The following ADGRL4 variants were observed in gnomAD, a reference collection of about 807,000 sequenced individuals.
ADGRL4 encodes the protein adhesion G protein-coupled receptor L4.
A neutral mutation model predicts 74.8 loss-of-function variants in ADGRL4; 90 were observed. The ratio of observed to expected loss-of-function variants is 1.20; its 90% CI spans 1.02 to 1.43. ADGRL4 has a LOEUF of 1.43. Ranked by LOEUF, ADGRL4 falls within the 40% of genes most tolerant of loss-of-function variation. The pLI, the probability that ADGRL4 is intolerant of heterozygous loss-of-function variation, is 0.00. For synonymous variants in ADGRL4, 311 were observed against 279.2 expected (o/e 1.11, Z -1.14); for missense variants, 881 against 814.3 (o/e 1.08, Z -1.00).
At chr1:78,965,673 G>C (rs914123541) in intron 2 of ADGRL4, among the ~76,000 whole-genome samples, 4 of 152,200 alleles carry the variant, frequency 2.6e-5, no homozygotes, top group African/African-American at 9.6e-5. Context: ...GAATTCAATT[G>C]CTAACATTGA....
intron 2 of ADGRL4, among the ~76,000 whole-genome samples, chr1:78,951,677 G>T (rs1649725865): frequency 6.6e-6 from 1 of 152,186 alleles, no homozygotes; most frequent in Admixed American, 6.5e-5. Flanking sequence ...AAAATGCAAT[G>T]ATTGATATTG....
At chr1:78,973,103 CT>C (rs1446164578) in intron 2 of ADGRL4, among the ~76,000 whole-genome samples, 1 of 152,046 alleles carries the variant, frequency 6.6e-6, no homozygotes, top group Non-Finnish European at 1.5e-5. Flanking sequence ...CAGTTTTAGT[CT>C]TTTTTCCTTA....
intron 12 of ADGRL4, among the ~76,000 whole-genome samples, chr1:78,901,813 A>G (rs1245256830): frequency 6.6e-6 from 1 of 152,202 alleles, no homozygotes; most frequent in East Asian, 1.9e-4. Context: ...GAGCCTCATC[A>G]TGTTCAGCAC....
rs78237403 is a variant in ADGRL4 at position 78,918,063 on chromosome 1, G to C, written c.1462-13C>G. On this transcript the variant is annotated splice_polypyrimidine_tract_variant and intron_variant, in intron 10 of 14. Coordinates refer to ENST00000370742, the MANE Select transcript of ADGRL4 (RefSeq NM_022159.4). ...TTGAACAGAAGAGCTAGAAATCAAA[G>C]AAAAAAAAAAAAACATTGTCAGTGT... is the stretch of plus-strand genomic sequence containing the variant. 12 of 1,176,028 alleles carry C rather than the reference G, an allele frequency of 1.0e-5. No individual in the cohort carries two copies. Among genetic ancestry groups the C allele is most frequent in the Non-Finnish European group, 1.2e-5 (10 of 858,024 alleles). The allele number at this position is 1,176,028 out of a possible 1,614,324, so 72.8% of individuals were successfully genotyped here.
At chr1:78,998,530 C>T (rs1650769336) in intron 2 of ADGRL4, among the ~76,000 whole-genome samples, 1 of 151,990 alleles carries the variant, frequency 6.6e-6, no homozygotes, top group Non-Finnish European at 1.5e-5. Context: ...CCACCATGTC[C>T]AGCTAATTTT....
chr1:78,896,210 T>C (rs1648395282), intron 12 of ADGRL4, among the ~76,000 whole-genome samples: 1 of 152,148 alleles, frequency 6.6e-6, no homozygotes, highest in Admixed American at 6.6e-5. Context: ...GATTTTCCTA[T>C]GCTGTTTTTC....
At chr1:78,904,719 C>T (rs1257945037) in intron 12 of ADGRL4, among the ~76,000 whole-genome samples, 1 of 151,994 alleles carries the variant, frequency 6.6e-6, no homozygotes, top group Non-Finnish European at 1.5e-5. Flanking sequence ...TTCCAGTTTT[C>T]ATACTTACAA....
intron 2 of ADGRL4, among the ~76,000 whole-genome samples, chr1:78,973,272 A>G (rs1650208018): frequency 6.6e-6 from 1 of 152,072 alleles, no homozygotes; most frequent in African/African-American, 2.4e-5. Flanking sequence ...GATTCCCTTC[A>G]TATATATGTA....
Position 78,917,670 on chromosome 1 carries a change from A to C in ADGRL4, c.1713T>G (p.Ile571Met), listed in dbSNP as rs74352810. 1 of 1,607,166 alleles carries C rather than the reference A, an allele frequency of 6.2e-7. No individual in the cohort carries two copies. Among genetic ancestry groups the C allele is most frequent in the Non-Finnish European group, 8.5e-7 (1 of 1,176,592 alleles). ...GGCATGCTGGTCCTATAAAACTCCA[A>C]ATAAAGTTGTTTTCGGTGCTAAGCC... ...VCWLSTENNF[I>M]WSFIGPACLI... Residue 571 changes from isoleucine (I) to methionine (M), a missense_variant, in exon 12 of 15, where the codon ATT (isoleucine) becomes ATG (methionine). Coordinates refer to ENST00000370742, the MANE Select transcript of ADGRL4 (RefSeq NM_022159.4).
At chr1:78,953,902 ACGTTGGGAGGC>A (rs1362133617) in intron 2 of ADGRL4, among the ~76,000 whole-genome samples, 1 of 152,218 alleles carries the variant, frequency 6.6e-6, no homozygotes, top group African/African-American at 2.4e-5. Context: ...TAATCCCTGC[ACGTTGGGAGGC>A]CAAGAAAGGC....
chr1:78,959,274 A>G (rs1203150589), intron 2 of ADGRL4, among the ~76,000 whole-genome samples: 1 of 152,202 alleles, frequency 6.6e-6, no homozygotes, highest in Non-Finnish European at 1.5e-5. Context: ...ATAAATATTT[A>G]TCTTTACTAA....
At chr1:79,003,066 C>T (rs972442225) in intron 2 of ADGRL4, among the ~76,000 whole-genome samples, 2 of 151,958 alleles carry the variant, frequency 1.3e-5, no homozygotes, top group African/African-American at 2.4e-5. Flanking sequence ...AAATAGGCAT[C>T]CTCTGTAGCT....
intron 12 of ADGRL4, among the ~76,000 whole-genome samples, chr1:78,894,107 GACA>G (rs1159106210): frequency 2.0e-5 from 3 of 151,852 alleles, no homozygotes; most frequent in Non-Finnish European, 2.9e-5. Flanking sequence ...ACTTTGAAAT[GACA>G]ACAACAAAGT....
chr1:78,926,584 A>C (rs1238499937), intron 8 of ADGRL4, among the ~76,000 whole-genome samples: 1 of 151,956 alleles, frequency 6.6e-6, no homozygotes, highest in African/African-American at 2.4e-5. Flanking sequence ...CTTTTTAATA[A>C]CTCATTCTTC....
At chr1:78,991,648 T>A (rs1178281871) in intron 2 of ADGRL4, among the ~76,000 whole-genome samples, 1 of 151,972 alleles carries the variant, frequency 6.6e-6, no homozygotes, top group East Asian at 1.9e-4. Flanking sequence ...AAATATAATA[T>A]AGTATATTTA....
rs200376823 is a variant in ADGRL4, at chr1:78,921,725, C to T, written c.1145G>A (p.Gly382Asp). Reference sequence around the variant, plus strand: ...CTCACAGCCCTCTGAAGACCAGCTGCCATTCATGGTATCAGGTGAGTAATT... The same window carrying T: ...CTCACAGCCCTCTGAAGACCAGCTGTCATTCATGGTATCAGGTGAGTAATT... ...FWNYSPDTMN[G>D]SWSSEGCELT... The change falls in exon 9 of 15, where the codon GGC becomes GAC. Residue 382 changes from glycine (G) to aspartate (D), a missense_variant. Coordinates refer to ENST00000370742, the MANE Select transcript of ADGRL4 (RefSeq NM_022159.4). 20 of 1,603,810 alleles carry T rather than the reference C, an allele frequency of 1.2e-5. No individual in the cohort carries two copies. Among genetic ancestry groups the T allele is most frequent in the African/African-American group, 2.7e-5 (2 of 74,030 alleles).
intron 2 of ADGRL4, among the ~76,000 whole-genome samples, chr1:78,999,861 A>ATGAT (rs1400354682): frequency 2.1e-5 from 3 of 142,786 alleles, no homozygotes; most frequent in Non-Finnish European, 1.5e-5. Context: ...CCTACCTATC[A>ATGAT]ACTTTATAAA....
Position 78,893,108 on chromosome 1 carries a change from C to G in ADGRL4, c.1831G>C (p.Glu611Gln). ...AGLKPEVSCFENIRSCARGAL... is the reference protein window; with the variant it reads ...AGLKPEVSCFQNIRSCARGAL... Reference sequence around the variant, plus strand: ...TAAAGACGCATTTACCTTATGTTCTCAAAGCAACTAACTTCTGGTTTCAAC... The same window carrying G: ...TAAAGACGCATTTACCTTATGTTCTGAAAGCAACTAACTTCTGGTTTCAAC... The change falls in exon 13 of 15, where the codon GAG becomes CAG. Residue 611 changes from glutamate to glutamine, a missense_variant. Transcript: ENST00000370742. 1.3e-6 allele frequency: 2 copies of G among 1,570,196 alleles called. No homozygotes were observed. Among genetic ancestry groups the G allele is most frequent in the Non-Finnish European group, 1.7e-6 (2 of 1,156,282 alleles).
intron 12 of ADGRL4, among the ~76,000 whole-genome samples, chr1:78,896,290 T>G (rs1416646292): frequency 6.6e-6 from 1 of 152,180 alleles, no homozygotes; most frequent in Non-Finnish European, 1.5e-5. Flanking sequence ...AATTCTAGTT[T>G]AAATGCTAAG....
Sources: gnomAD v4.1 joint callset for allele counts (sites outside exome capture counted in the v4.1 genomes callset) on GRCh38, gnomAD v4.1.1 for gene constraint, MANE v1.5 for transcripts, NCBI Gene and HGNC (gene_info 2026-07-23, HGNC 2026-07-21) for gene names.